Variants in RNF111 observed in about 807,000 individuals in gnomAD.
The protein encoded by RNF111 is ring finger protein 111.
In RNF111, 17 loss-of-function variants were observed where a neutral mutation model predicts 95.1. The ratio of observed to expected loss-of-function variants is 0.18; its 90% CI spans 0.12 to 0.27. The LOEUF (loss-of-function observed/expected upper bound fraction) is 0.27, where lower values mean the gene tolerates loss of function less well. RNF111 is among the 10% of genes least tolerant of loss of function. The probability of loss-of-function intolerance (pLI) is 1.00; values close to 1 mark genes in which losing one functional copy is unlikely to be tolerated. For missense variants in RNF111, 1,189 were observed against 1,210.4 expected (o/e 0.98, Z 0.26); for synonymous variants, 440 against 414.8 (o/e 1.06, Z -0.74).
intron 1 of RNF111, among the ~76,000 whole-genome samples, chr15:58,994,547 G>A (rs531264312): frequency 2.0e-4 from 29 of 143,346 alleles, no homozygotes; most frequent in Admixed American, 1.9e-3. Flanking sequence ...GTGTGATCTC[G>A]GCTCACTGTA....
intron 5 of RNF111, among the ~76,000 whole-genome samples, chr15:59,059,336 C>A (rs887165209): frequency 9.9e-5 from 15 of 152,130 alleles, no homozygotes; most frequent in Admixed American, 3.3e-4. Flanking sequence ...GTGTCTATAA[C>A]ACAAACAAAA....
At chr15:59,087,389 T>C (rs1164322252) in intron 10 of RNF111, among the ~76,000 whole-genome samples, 2 of 152,094 alleles carry the variant, frequency 1.3e-5, no homozygotes, top group Non-Finnish European at 2.9e-5. Context: ...AATGCAGAGG[T>C]TAGGGGTGTT....
In RNF111 at chr15:59,020,913, A is replaced by T. The variant is rs2040307160; in HGVS notation, c.-19-9891A>T. 2.0e-5 allele frequency among the ~76,000 whole-genome samples: 3 copies of T among 151,888 alleles called. No homozygotes were observed. The South Asian group carries it at 6.2e-4, about 31-fold the overall frequency. ...TATGCCCTTCTTTTTTGTTGTTTTA[A>T]TTTTTATTTTTTAAATCTCAGTAGG... On this transcript the variant is annotated intron_variant, in intron 1 of 13. Transcript: ENST00000348370.
chr15:59,019,258 A>T (rs1224156986), intron 1 of RNF111, among the ~76,000 whole-genome samples: 1 of 152,050 alleles, frequency 6.6e-6, no homozygotes, highest in Non-Finnish European at 1.5e-5. Flanking sequence ...AGTTTTAATT[A>T]TTTTAAAGTT....
chr15:59,022,464 C>G (rs556264691), intron 1 of RNF111, among the ~76,000 whole-genome samples: 7 of 152,314 alleles, frequency 4.6e-5, no homozygotes, highest in African/African-American at 1.7e-4. Flanking sequence ...CAGATTCTGA[C>G]AGTTCTAATC....
intron 9 of RNF111, among the ~76,000 whole-genome samples, chr15:59,084,855 T>C (rs1440708649): frequency 4.6e-5 from 7 of 152,128 alleles, no homozygotes; most frequent in African/African-American, 1.7e-4. Flanking sequence ...CCCATGTAAG[T>C]AAGAGGCGTG....
intron 1 of RNF111, among the ~76,000 whole-genome samples, chr15:58,989,113 A>G (rs1395958838): frequency 1.3e-5 from 2 of 152,154 alleles, no homozygotes; most frequent in East Asian, 1.9e-4. Flanking sequence ...ACCATACACA[A>G]CTTCTGTAAC....
At chr15:58,995,226 T>G (rs1366608170) in intron 1 of RNF111, among the ~76,000 whole-genome samples, 1 of 152,232 alleles carries the variant, frequency 6.6e-6, no homozygotes, top group Non-Finnish European at 1.5e-5. Context: ...TTACTGATCT[T>G]TACTCTAATG....
In RNF111 at chr15:59,089,264, C is replaced by T. The variant is rs148843341; in HGVS notation, c.2551-403C>T. ...TAAAAGTTTCCCTAATAGAATCAAG[C>T]AAAAAAGGCATAGGGTACTTTGGCT... is the stretch of plus-strand genomic sequence containing the variant. On this transcript the variant is annotated intron_variant, in intron 10 of 13. Transcript: ENST00000348370. Among the ~76,000 whole-genome samples, 116 of 151,592 alleles carry T rather than the reference C, an allele frequency of 7.7e-4. No homozygotes were observed. The East Asian group carries it at 0.019, about 24-fold the overall frequency.
intron 2 of RNF111, among the ~76,000 whole-genome samples, chr15:59,047,448 T>C (rs1190905474): frequency 1.3e-5 from 2 of 152,148 alleles, no homozygotes; most frequent in African/African-American, 2.4e-5. Flanking sequence ...TGAGCTATTA[T>C]CGTGCCATTG....
intron 5 of RNF111, among the ~76,000 whole-genome samples, chr15:59,060,365 G>A (rs896234236): frequency 1.9e-4 from 29 of 151,800 alleles, no homozygotes; most frequent in African/African-American, 7.0e-4. Flanking sequence ...AGCTCTTTGG[G>A]AGGCCAGGGA....
intron 3 of RNF111, among the ~76,000 whole-genome samples, chr15:59,053,759 T>C (rs531879565): frequency 6.6e-6 from 1 of 152,268 alleles, no homozygotes; most frequent in East Asian, 1.9e-4. Flanking sequence ...CTTGTAGGAC[T>C]AGAGATCTTG....
At chr15:59,088,499 T>C (rs2078960222) in intron 10 of RNF111, among the ~76,000 whole-genome samples, 1 of 152,242 alleles carries the variant, frequency 6.6e-6, no homozygotes, top group African/African-American at 2.4e-5. Context: ...TTTCCACATA[T>C]GAAGTGTCCG....
chr15:59,045,796 T>C (rs2041680988), intron 2 of RNF111, among the ~76,000 whole-genome samples: 1 of 152,222 alleles, frequency 6.6e-6, no homozygotes, highest in Admixed American at 6.5e-5. Context: ...CAAGGTTCCT[T>C]TTGTACTTCT....
chr15:59,081,763 A>C (rs1359049846), intron 8 of RNF111, among the ~76,000 whole-genome samples: 1 of 149,564 alleles, frequency 6.7e-6, no homozygotes, highest in African/African-American at 2.5e-5. Flanking sequence ...GCAGTGATTC[A>C]CCCCTATAAT....
chr15:59,012,176 AC>A (rs2039855400), intron 1 of RNF111, among the ~76,000 whole-genome samples: 1 of 150,558 alleles, frequency 6.6e-6, no homozygotes, highest in African/African-American at 2.4e-5. Context: ...GCATCTCCAC[AC>A]CCGGCTGATT....
rs1326379915 is a variant in RNF111 at position 59,084,396 on chromosome 15, G to A, written c.2423+142G>A. 5 of 765,488 alleles carry A rather than the reference G, an allele frequency of 6.5e-6. No homozygotes were observed. In the South Asian group the frequency reaches 2.0e-4, roughly 30 times the overall value. 47.4% of individuals were successfully genotyped at this position (765,488 alleles called of 1,614,324 possible). A position where few individuals can be genotyped will look rare whatever the true frequency, so the allele number is the denominator to read the frequency against. ...AGTTTAACTGAGACACTGCCTCTGGGCAGATAGAGGTTTGGAGAGGAAAGA... is the reference window on the plus strand; with the variant it reads ...AGTTTAACTGAGACACTGCCTCTGGACAGATAGAGGTTTGGAGAGGAAAGA... On this transcript the variant is annotated intron_variant, in intron 9 of 13. Transcript: ENST00000348370.
chr15:58,990,672 A>T (rs1005655683), intron 1 of RNF111, among the ~76,000 whole-genome samples: 4 of 152,176 alleles, frequency 2.6e-5, no homozygotes, highest in African/African-American at 9.7e-5. Context: ...CAAACAAAAA[A>T]ACTATGATTG....
At chr15:59,063,077 A>C (rs1183543563) in intron 5 of RNF111, among the ~76,000 whole-genome samples, 1 of 152,160 alleles carries the variant, frequency 6.6e-6, no homozygotes, top group South Asian at 2.1e-4. Context: ...AATTGTCTCC[A>C]TGCTTGATGA....
Sources: allele counts gnomAD v4.1 joint callset (sites outside exome capture counted in the v4.1 genomes callset), GRCh38; gene constraint gnomAD v4.1.1; transcripts MANE v1.5; gene names NCBI Gene and HGNC (gene_info 2026-07-23, HGNC 2026-07-21).